Variants in USH2A observed in about 807,000 individuals in gnomAD.
USH2A encodes Usher syndrome 2A (autosomal recessive, mild).
A neutral mutation model predicts 538.9 loss-of-function variants in USH2A; 443 were observed. The observed-to-expected ratio is 0.82, with a 90% CI of 0.76 to 0.89. The LOEUF is 0.89. Ranked by LOEUF, USH2A falls within the 40% of genes least tolerant of loss-of-function variation. USH2A has a pLI of 0.00. For missense variants in USH2A, 6,633 were observed against 6,324.8 expected, an observed-to-expected ratio of 1.05 and a Z score of -1.65; for synonymous variants, 2,413 against 2,273.5, an observed-to-expected ratio of 1.06 and a Z score of -1.75.
intron 11 of USH2A, among the ~76,000 whole-genome samples, chr1:216,263,523 A>G (rs916237932): frequency 2.0e-5 from 3 of 152,174 alleles, no homozygotes; most frequent in African/African-American, 7.2e-5. Context: ...AGGACAAACC[A>G]TATGACCATC....
chr1:216,364,633 G>A (rs1489870029), intron 4 of USH2A, among the ~76,000 whole-genome samples: 2 of 152,158 alleles, frequency 1.3e-5, no homozygotes, highest in African/African-American at 4.8e-5. Context: ...ACTGAGGCAA[G>A]ATTGCAGTTA....
rs576357659 is a variant in USH2A, at chr1:215,870,151, C to T, written c.8682-2981G>A. On this transcript the variant is annotated intron_variant, in intron 43 of 71. Coordinates refer to ENST00000307340, the MANE Select transcript of USH2A (RefSeq NM_206933.4). ...TAGGGTTTATTCATTTCCAATATTA[C>T]ACTATTTCCACTTTTTAAAAATTTA... is the stretch of plus-strand genomic sequence containing the variant. 8.3e-4 allele frequency among the ~76,000 whole-genome samples: 126 copies of T among 152,230 alleles called. 1 individual carries two copies. Among genetic ancestry groups the T allele is most frequent in the African/African-American group, 2.6e-3 (108 of 41,542 alleles).
intron 21 of USH2A, among the ~76,000 whole-genome samples, chr1:216,163,954 A>C (rs1274627522): frequency 6.6e-6 from 1 of 152,114 alleles, no homozygotes; most frequent in Non-Finnish European, 1.5e-5. Flanking sequence ...CATATTTTTG[A>C]GAAATTTTTT....
At chr1:216,074,350 C>CT (rs2031676969) in intron 27 of USH2A, among the ~76,000 whole-genome samples, 4 of 149,342 alleles carry the variant, frequency 2.7e-5, no homozygotes, top group Non-Finnish European at 5.9e-5. Context: ...CTCTCTCTCT[C>CT]CGAACAAAAC....
chr1:216,096,969 T>C (rs2032454854), intron 22 of USH2A, 114 bp downstream of exon 22: 1 of 1,119,148 alleles, frequency 8.9e-7, no homozygotes, highest in Non-Finnish European at 1.3e-6. Flanking sequence ...ATAATAATAG[T>C]ACTTACCTTA....
chr1:215,679,905 G>A (rs946990768), intron 62 of USH2A, among the ~76,000 whole-genome samples: 3 of 152,200 alleles, frequency 2.0e-5, no homozygotes, highest in African/African-American at 7.2e-5. Context: ...CCACCTAGTA[G>A]GGTTGATGTG....
chr1:215,928,807 C>T lies in USH2A; in HGVS notation c.7300+5809G>A, dbSNP rs186748658. 1.8e-3 allele frequency among the ~76,000 whole-genome samples: 271 copies of T among 152,110 alleles called. 1 individual carries two copies. Among genetic ancestry groups the T allele is most frequent in the Non-Finnish European group, 2.5e-3 (168 of 67,990 alleles). On this transcript the variant is annotated intron_variant, in intron 38 of 71. Coordinates refer to ENST00000307340, the MANE Select transcript of USH2A (RefSeq NM_206933.4). ...TAAGTTGCTGACTTTTGGAGTGACT[C>T]GTTACACAGCAATACCCGAAAGAAT...
intron 21 of USH2A, among the ~76,000 whole-genome samples, chr1:216,138,722 C>T (rs559648684): frequency 6.6e-6 from 1 of 152,052 alleles, no homozygotes; most frequent in African/African-American, 2.4e-5. Flanking sequence ...TGACTCAGGG[C>T]AGAATACCCT....
intron 47 of USH2A, among the ~76,000 whole-genome samples, chr1:215,826,166 C>T (rs533192240): frequency 6.6e-6 from 1 of 152,304 alleles, no homozygotes; most frequent in South Asian, 2.1e-4. Flanking sequence ...GGATGCCTTG[C>T]AAGATGGCTA....
chr1:216,027,932 A>T (rs1177845791), intron 32 of USH2A, among the ~76,000 whole-genome samples: 1 of 152,212 alleles, frequency 6.6e-6, no homozygotes, highest in East Asian at 1.9e-4. Context: ...ACGATTTGGG[A>T]GTCAGCACAT....
chr1:216,289,362 G>A lies in USH2A; in HGVS notation c.1889C>T (p.Ala630Val). The change falls in exon 11 of 72, where the codon GCA becomes GTA. Residue 630 changes from alanine to valine, a missense_variant. Transcript: ENST00000307340. ...CKDYFFRQVG[A>V]DPSAIDVCKP... is the part of the protein sequence containing the mutation. Reference sequence around the variant, plus strand: ...GCAAACATCTATGGCCGAAGGATCTGCACCAACTTGTCGGAAAAAGTAATC... The same window carrying A: ...GCAAACATCTATGGCCGAAGGATCTACACCAACTTGTCGGAAAAAGTAATC... The A allele has an allele frequency of 6.2e-7, 1 of 1,613,962 alleles. No homozygotes were observed. The highest frequency in any genetic ancestry group is 8.5e-7 in the Non-Finnish European group (1 of 1,179,860).
chr1:216,104,223 C>T (rs555092551), intron 21 of USH2A, among the ~76,000 whole-genome samples: 2 of 151,908 alleles, frequency 1.3e-5, no homozygotes, highest in Non-Finnish European at 1.5e-5. Flanking sequence ...CTCCTCCCCC[C>T]ACCCCACAAC....
chr1:215,870,458 CTTT>C (rs10689595), intron 43 of USH2A, among the ~76,000 whole-genome samples: 2 of 123,108 alleles, frequency 1.6e-5, no homozygotes, highest in Admixed American at 8.4e-5. Flanking sequence ...CCACTCCTAG[CTTT>C]TTTTTTTTTT....
Position 215,759,702 on chromosome 1 carries a change from T to C in USH2A, c.11189A>G (p.Glu3730Gly), listed in dbSNP as rs1341032857. 5 of 1,614,050 alleles carry C rather than the reference T, an allele frequency of 3.1e-6. No individual in the cohort carries two copies. The South Asian group carries it at 4.4e-5, about 14-fold the overall frequency. ...NGNLLFLGGS[E>G]EQNFTDKNLE... is the part of the protein sequence containing the mutation. ...GTTTTTATCAGTGAAATTCTGCTCC[T>C]CACTGCCACCCAGGAAAAGCAAGTT... Residue 3730 changes from glutamate to glycine, a missense_variant, in exon 57 of 72, where the codon GAG (glutamate) becomes GGG (glycine). Transcript: ENST00000307340.
At chr1:215,861,572 T>G (rs1664313761) in intron 44 of USH2A, among the ~76,000 whole-genome samples, 1 of 152,192 alleles carries the variant, frequency 6.6e-6, no homozygotes, top group Non-Finnish European at 1.5e-5. Context: ...TAGTTGAACC[T>G]GAGAACATGA....
In USH2A at chr1:216,095,043, C is replaced by G. The variant is rs530795548; in HGVS notation, c.4758+2040G>C. On this transcript the variant is annotated intron_variant, in intron 22 of 71. Coordinates refer to ENST00000307340, the MANE Select transcript of USH2A (RefSeq NM_206933.4). ...ATAGAGAGACCACTTAGAATAATGC[C>G]TGGCACAAAGAGGTCTCATAGAAGT... is the stretch of plus-strand genomic sequence containing the variant. Among the ~76,000 whole-genome samples, 8 of 152,028 alleles carry G rather than the reference C, an allele frequency of 5.3e-5. No homozygotes were observed. In the East Asian group the frequency reaches 1.2e-3, roughly 22 times the overall value.
rs760734805 is a variant in USH2A at position 215,639,150 on chromosome 1, T to C, written c.15052+5A>G. On this transcript the variant is annotated splice_donor_5th_base_variant and intron_variant, in intron 69 of 71. Transcript: ENST00000307340. ...GCTACGCCAAGTATAATATGAGTTG[T>C]TTACCAAGTCCAGTAGAGGTATCAT... 1.2e-6 allele frequency: 2 copies of C among 1,614,062 alleles called. No homozygotes were observed. The highest frequency in any genetic ancestry group is 1.1e-5 in the South Asian group (1 of 91,076).
chr1:215,767,991 G>T (rs1479591699), intron 55 of USH2A, among the ~76,000 whole-genome samples: 1 of 152,102 alleles, frequency 6.6e-6, no homozygotes, highest in African/African-American at 2.4e-5. Flanking sequence ...TCCAATGATT[G>T]TTATGCTTAT....
chr1:216,217,973 T>A (rs2035376894), intron 14 of USH2A, among the ~76,000 whole-genome samples: 1 of 152,042 alleles, frequency 6.6e-6, no homozygotes, highest in Admixed American at 6.6e-5. Flanking sequence ...ACTCTCCAAT[T>A]GCGAAATAGA....
Sources: gnomAD v4.1 joint callset for allele counts (sites outside exome capture counted in the v4.1 genomes callset) on GRCh38, gnomAD v4.1.1 for gene constraint, MANE v1.5 for transcripts, NCBI Gene and HGNC (gene_info 2026-07-23, HGNC 2026-07-21) for gene names.